Variants in MIPOL1 observed in about 807,000 individuals in gnomAD.
MIPOL1 encodes mirror-image polydactyly gene 1 protein.
In MIPOL1, 57 loss-of-function variants were observed where a neutral mutation model predicts 60.9. The observed-to-expected ratio is 0.94, with a 90% CI of 0.76 to 1.17. The LOEUF (loss-of-function observed/expected upper bound fraction) is 1.17. Among genes scored for constraint, MIPOL1 ranks in the 50% most tolerant of loss-of-function variants. MIPOL1 has a pLI of 0.00. For missense variants in MIPOL1, 551 were observed against 511.6 expected, an observed-to-expected ratio of 1.08 and a Z score of -0.74; for synonymous variants, 179 against 168.8, an observed-to-expected ratio of 1.06 and a Z score of -0.47.
intron 9 of MIPOL1, among the ~76,000 whole-genome samples, chr14:37,322,306 A>G (rs1371529735): frequency 1.3e-5 from 2 of 152,000 alleles, no homozygotes; most frequent in Non-Finnish European, 2.9e-5. Flanking sequence ...ACATTACTAC[A>G]GTGTTACCCC....
chr14:37,522,267 A>T (rs901174754), intron 12 of MIPOL1, among the ~76,000 whole-genome samples: 21 of 152,170 alleles, frequency 1.4e-4, no homozygotes, highest in Admixed American at 4.6e-4. Context: ...GTTAAGTGTT[A>T]CTTTACGCAT....
chr14:37,424,428 C>T (rs1275203697), intron 11 of MIPOL1, among the ~76,000 whole-genome samples: 1 of 152,042 alleles, frequency 6.6e-6, no homozygotes, highest in Admixed American at 6.6e-5. Context: ...ATCTACAAGC[C>T]AAGGAGGGCC....
In MIPOL1 at chr14:37,321,673, TTAAAG is replaced by T. The variant is rs923677173; in HGVS notation, c.828+13157_828+13161del. On this transcript the variant is annotated intron_variant, in intron 9 of 12. Transcript: ENST00000684589. ...TTGTGTCAGTTATCAAGAGAGATGT[TTAAAG>T]TATTCAATGATTATGATTAATTTTT... 8.6e-5 allele frequency among the ~76,000 whole-genome samples: 13 copies of T among 152,004 alleles called. 1 individual carries two copies. The highest frequency in any genetic ancestry group is 1.5e-4 in the Non-Finnish European group (10 of 67,900).
intron 9 of MIPOL1, among the ~76,000 whole-genome samples, chr14:37,313,885 T>A (rs55995849): frequency 0.078 from 11,805 of 152,196 alleles, 627 homozygotes; most frequent in Non-Finnish European, 0.11. Context: ...TAGCACTGTT[T>A]CTACTTTTCA....
At chr14:37,201,564 T>A (rs1965351391) in intron 1 of MIPOL1, among the ~76,000 whole-genome samples, 1 of 152,192 alleles carries the variant, frequency 6.6e-6, no homozygotes, top group Admixed American at 6.5e-5. Flanking sequence ...TGTTCCATCT[T>A]GGGTTTTCTG....
Position 37,214,525 on chromosome 14 carries a change from A to G in MIPOL1, c.-199+16421A>G, listed in dbSNP as rs546380588. ...CAGTATAATAAAGAAAAAACATAAA[A>G]TAAGAACATTTATACTAGATATAGA... On this transcript the variant is annotated intron_variant, in intron 1 of 12. Transcript: ENST00000684589. Among the ~76,000 whole-genome samples the G allele has an allele frequency of 2.6e-5, 4 of 152,326 alleles. No homozygotes were observed. The South Asian group carries it at 8.3e-4, about 32-fold the overall frequency.
At chr14:37,496,223 C>G (rs2095126276) in intron 11 of MIPOL1, among the ~76,000 whole-genome samples, 1 of 143,572 alleles carries the variant, frequency 7.0e-6, no homozygotes, top group East Asian at 2.1e-4. Flanking sequence ...TGGAAGCATT[C>G]CCTTTGAAAA....
At chr14:37,524,609 C>T (rs1315216628) in intron 12 of MIPOL1, among the ~76,000 whole-genome samples, 6 of 143,440 alleles carry the variant, frequency 4.2e-5, no homozygotes, top group African/African-American at 1.1e-4. Flanking sequence ...ATTCTGTCAC[C>T]CAGGCTGGAG....
chr14:37,198,724 C>T (rs572102048), intron 1 of MIPOL1, among the ~76,000 whole-genome samples: 1 of 152,272 alleles, frequency 6.6e-6, no homozygotes, highest in South Asian at 2.1e-4. Flanking sequence ...CACAAACACA[C>T]GCGTTTGGAA....
rs141326430 is a variant in MIPOL1, at chr14:37,487,387, C to G, written c.1032-12521C>G. On this transcript the variant is annotated intron_variant, in intron 11 of 12. Coordinates refer to ENST00000684589, the MANE Select transcript of MIPOL1 (RefSeq NM_001388067.1). ...AGGGAAGATTCCCTCTTTTTCTGTT[C>G]TTTGCAATAGTTTCAGAAGGAATGG... Among the ~76,000 whole-genome samples, 1,052 of 151,998 alleles carry G rather than the reference C, an allele frequency of 6.9e-3. 12 individuals are homozygous for G. The highest frequency in any genetic ancestry group is 0.024 in the African/African-American group (1,011 of 41,518).
chr14:37,476,895 CTTTTTT>C lies in MIPOL1; in HGVS notation c.1032-22995_1032-22990del, dbSNP rs869027204. 1.4e-4 allele frequency among the ~76,000 whole-genome samples: 12 copies of C among 87,340 alleles called. No individual in the cohort carries two copies. In the East Asian group the frequency reaches 2.1e-3, roughly 15 times the overall value. The allele number at this position is 87,340 out of a possible 152,430, so 57.3% of individuals were successfully genotyped here. On this transcript the variant is annotated intron_variant, in intron 11 of 12. Coordinates refer to ENST00000684589, the MANE Select transcript of MIPOL1 (RefSeq NM_001388067.1). ...TGTAAGTTTTACTTTCTTGTAATGT[CTTTTTT>C]TTTTTTTTTTTTTTTTTGAGACGGA...
chr14:37,306,303 A>C (rs1343649288), intron 7 of MIPOL1, among the ~76,000 whole-genome samples: 1 of 151,828 alleles, frequency 6.6e-6, no homozygotes, highest in Non-Finnish European at 1.5e-5. Flanking sequence ...AGACTAGGTA[A>C]CCTACTGTTA....
At chr14:37,464,733 A>G (rs544684006) in intron 11 of MIPOL1, among the ~76,000 whole-genome samples, 1 of 152,348 alleles carries the variant, frequency 6.6e-6, no homozygotes, top group East Asian at 1.9e-4. Flanking sequence ...CTCTGAATCC[A>G]TAAAAATAAA....
Position 37,550,892 on chromosome 14 carries a change from A to G in MIPOL1, c.*3921A>G. Reference sequence around the variant, plus strand: ...TTTTTCTTGTGCTTGCTTCGGCAGCATATATACTGAAATTAGAAAAAGAAA... The same window carrying G: ...TTTTTCTTGTGCTTGCTTCGGCAGCGTATATACTGAAATTAGAAAAAGAAA... On this transcript the variant is annotated 3_prime_UTR_variant, in exon 13 of 13. Transcript: ENST00000684589. 1 of 152,412 alleles carries G rather than the reference A, an allele frequency of 6.6e-6. No individual in the cohort carries two copies. The highest frequency in any genetic ancestry group is 2.4e-5 in the African/African-American group (1 of 41,578). 9.4% of individuals were successfully genotyped at this position (152,412 alleles called of 1,614,324 possible).
At chr14:37,326,357 A>G (rs888766949) in intron 9 of MIPOL1, among the ~76,000 whole-genome samples, 3 of 152,186 alleles carry the variant, frequency 2.0e-5, no homozygotes, top group Non-Finnish European at 2.9e-5. Flanking sequence ...ATCAGAAGCA[A>G]TGCTCTGTGG....
intron 9 of MIPOL1, among the ~76,000 whole-genome samples, chr14:37,347,797 A>G (rs1299542357): frequency 6.6e-6 from 1 of 152,258 alleles, no homozygotes; most frequent in Non-Finnish European, 1.5e-5. Context: ...AAAGTGCCAA[A>G]GAAGTACCAT....
chr14:37,272,527 T>A (rs1449078204), intron 6 of MIPOL1, among the ~76,000 whole-genome samples: 1 of 151,590 alleles, frequency 6.6e-6, no homozygotes, highest in Non-Finnish European at 1.5e-5. Context: ...AATAAACTTG[T>A]CTTAAATAAA....
chr14:37,295,362 A>G (rs901589338), intron 7 of MIPOL1, among the ~76,000 whole-genome samples: 1 of 152,340 alleles, frequency 6.6e-6, no homozygotes, highest in East Asian at 1.9e-4. Flanking sequence ...GCCAAATTGT[A>G]AAGACCATCA....
At chr14:37,527,441 G>A (rs927105134) in intron 12 of MIPOL1, among the ~76,000 whole-genome samples, 2 of 151,950 alleles carry the variant, frequency 1.3e-5, no homozygotes, top group African/African-American at 4.8e-5. Context: ...TTAATTAGAA[G>A]CCCAGTAGGT....
Sources: gnomAD v4.1 joint callset for allele counts (sites outside exome capture counted in the v4.1 genomes callset) on GRCh38, gnomAD v4.1.1 for gene constraint, MANE v1.5 for transcripts, NCBI Gene and HGNC (gene_info 2026-07-23, HGNC 2026-07-21) for gene names.